The following FNDC3A variants were observed in gnomAD, a reference collection of about 807,000 sequenced individuals.
FNDC3A encodes fibronectin type-III domain-containing protein 3A.
In FNDC3A, 32 loss-of-function variants were observed where a neutral mutation model predicts 148.9. That is an observed-to-expected ratio of 0.21 (90% CI 0.16 to 0.29). FNDC3A has a LOEUF of 0.29. Among genes scored for constraint, FNDC3A ranks in the 10% least tolerant of loss-of-function variants. FNDC3A has a pLI of 1.00. For missense variants in FNDC3A, 1,191 were observed against 1,452.8 expected, an observed-to-expected ratio of 0.82 and a Z score of 2.93; for synonymous variants, 472 against 473.6, an observed-to-expected ratio of 1.00 and a Z score of 0.04.
At chr13:48,994,842 G>A (rs1387153206) in intron 1 of FNDC3A, among the ~76,000 whole-genome samples, 1 of 152,064 alleles carries the variant, frequency 6.6e-6, no homozygotes, top group African/African-American at 2.4e-5. Flanking sequence ...TCATAATACT[G>A]CAAGACAGGA....
At chr13:49,153,861 C>G (rs1270244055) in intron 8 of FNDC3A, among the ~76,000 whole-genome samples, 1 of 117,494 alleles carries the variant, frequency 8.5e-6, no homozygotes, top group South Asian at 3.4e-4. Context: ...GGGCTCTGTT[C>G]TGTTCCATTG....
intron 3 of FNDC3A, among the ~76,000 whole-genome samples, chr13:49,102,133 CT>C (rs367546672): frequency 2.0e-5 from 3 of 150,732 alleles, no homozygotes; most frequent in East Asian, 1.9e-4. Context: ...GCAAGCGTAG[CT>C]TTTTTTTTCT....
chr13:49,122,817 A>G (rs1279719847), intron 4 of FNDC3A, among the ~76,000 whole-genome samples: 1 of 152,192 alleles, frequency 6.6e-6, no homozygotes, highest in Non-Finnish European at 1.5e-5. Context: ...CTTCAAGGAG[A>G]ACTACAAACC....
chr13:49,044,851 C>T, intron 2 of FNDC3A: 1 of 353,092 alleles, frequency 2.8e-6, no homozygotes, highest in Non-Finnish European at 5.7e-6. Flanking sequence ...GGGGTTTGTG[C>T]AAGGTTCAAA....
chr13:49,008,562 A>C (rs897815415), intron 2 of FNDC3A, among the ~76,000 whole-genome samples: 1 of 152,042 alleles, frequency 6.6e-6, no homozygotes, highest in African/African-American at 2.4e-5. Context: ...TTTCTCTTCT[A>C]CTCTTGGGAT....
chr13:49,017,375 T>C lies in FNDC3A; in HGVS notation c.99+11086T>C, dbSNP rs538282046. Among the ~76,000 whole-genome samples the C allele has an allele frequency of 2.6e-5, 4 of 152,324 alleles. No homozygotes were observed. In the East Asian group the frequency reaches 7.7e-4, roughly 29 times the overall value. ...TATGTAATGGCCTTCTTTGTCTCTT[T>C]TGATCTTTGTTGGTTTAAAGTCGTT... On this transcript the variant is annotated intron_variant, in intron 2 of 25. Transcript: ENST00000492622.
chr13:49,186,311 C>G (rs755338310), intron 15 of FNDC3A, among the ~76,000 whole-genome samples: 1 of 152,042 alleles, frequency 6.6e-6, no homozygotes, highest in Non-Finnish European at 1.5e-5. Context: ...AAGGAACTTG[C>G]GATCCACTGT....
intron 13 of FNDC3A, among the ~76,000 whole-genome samples, 166 bp downstream of exon 13, chr13:49,175,707 T>G (rs973776673): frequency 6.6e-6 from 1 of 152,224 alleles, no homozygotes; most frequent in Admixed American, 6.5e-5. Context: ...TTCTTTCTCT[T>G]GCCTGATTGC....
At chr13:48,986,394 T>TG (rs1258539705) in intron 1 of FNDC3A, among the ~76,000 whole-genome samples, 13 of 110,800 alleles carry the variant, frequency 1.2e-4, no homozygotes, top group Non-Finnish European at 2.4e-4. Context: ...TGTTTTTTTT[T>TG]TTTTTTTTTT....
At chr13:49,151,027 G>A (rs181953146) in intron 8 of FNDC3A, among the ~76,000 whole-genome samples, 1 of 151,924 alleles carries the variant, frequency 6.6e-6, no homozygotes, top group Admixed American at 6.5e-5. Context: ...CATGTTTCAT[G>A]TGTTGTAAAG....
At chr13:48,994,173 A>G (rs1951976862) in intron 1 of FNDC3A, among the ~76,000 whole-genome samples, 1 of 152,192 alleles carries the variant, frequency 6.6e-6, no homozygotes, top group Non-Finnish European at 1.5e-5. Context: ...GATTTTTTCA[A>G]AAATAAAAAA....
chr13:49,071,639 C>T (rs1399846438), intron 2 of FNDC3A, among the ~76,000 whole-genome samples: 1 of 151,714 alleles, frequency 6.6e-6, no homozygotes, highest in African/African-American at 2.4e-5. Context: ...TAATGTTGAG[C>T]ATTTTTTTAT....
chr13:49,187,390 T>C (rs910795244), intron 16 of FNDC3A, 200 bp downstream of exon 16: 156 of 890,372 alleles, frequency 1.8e-4, no homozygotes, highest in Middle Eastern at 3.3e-4. Flanking sequence ...ATATCTAGTA[T>C]GCCATATGAG....
At chr13:49,104,409 A>G (rs946034199) in intron 3 of FNDC3A, among the ~76,000 whole-genome samples, 2 of 152,190 alleles carry the variant, frequency 1.3e-5, no homozygotes, top group Non-Finnish European at 2.9e-5. Context: ...CTGTAGTCCC[A>G]GCTACTCGGG....
intron 2 of FNDC3A, among the ~76,000 whole-genome samples, chr13:49,041,754 T>C (rs1874945652): frequency 6.9e-6 from 1 of 145,128 alleles, no homozygotes; most frequent in African/African-American, 2.6e-5. Context: ...GAGGTTGCAA[T>C]GAGCCAAGAT....
At chr13:49,077,727 A>G (rs962351569) in intron 3 of FNDC3A, among the ~76,000 whole-genome samples, 1 of 152,234 alleles carries the variant, frequency 6.6e-6, no homozygotes, top group Admixed American at 6.5e-5. Context: ...CCAAACCACC[A>G]TGGCACATGT....
chr13:49,110,264 G>A, intron 3 of FNDC3A: 1 of 1,302,390 alleles, frequency 7.7e-7, no homozygotes, highest in African/African-American at 1.5e-5. Context: ...ACTGTCACGT[G>A]ACTCGGTCAA....
intron 1 of FNDC3A, among the ~76,000 whole-genome samples, chr13:48,999,404 G>A (rs1952083623): frequency 6.6e-6 from 1 of 152,106 alleles, no homozygotes; most frequent in African/African-American, 2.4e-5. Flanking sequence ...ATTGTCTTTT[G>A]CAAATACATA....
At chr13:49,008,636 T>C (rs1250203183) in intron 2 of FNDC3A, among the ~76,000 whole-genome samples, 1 of 152,208 alleles carries the variant, frequency 6.6e-6, no homozygotes, top group Non-Finnish European at 1.5e-5. Context: ...TTTTCTGGTT[T>C]AGTACAGTAA....
Sources: allele counts gnomAD v4.1 joint callset (sites outside exome capture counted in the v4.1 genomes callset), GRCh38; gene constraint gnomAD v4.1.1; transcripts MANE v1.5; gene names NCBI Gene and HGNC (gene_info 2026-07-23, HGNC 2026-07-21).